The following RBM19 variants were observed in gnomAD, a reference collection of about 807,000 sequenced individuals.
RBM19 encodes the protein RNA binding motif protein 19.
RBM19 carries 94 observed loss-of-function variants against 116.8 expected under a neutral mutation model. That is an observed-to-expected ratio of 0.80 (90% CI 0.68 to 0.95). The LOEUF (loss-of-function observed/expected upper bound fraction) is 0.95. Among genes scored for constraint, RBM19 ranks in the 40% least tolerant of loss-of-function variants. The pLI is 0.00. For synonymous variants in RBM19, 475 were observed against 494.1 expected, an observed-to-expected ratio of 0.96 and a Z score of 0.51; for missense variants, 1,161 against 1,220.7, an observed-to-expected ratio of 0.95 and a Z score of 0.73.
At chr12:113,947,529 G>T in intron 10 of RBM19, 65 bp from the exon 11 acceptor site, 3 of 1,523,342 alleles carry the variant, frequency 2.0e-6, no homozygotes, top group Non-Finnish European at 2.7e-6. Flanking sequence ...GAAGAATGTG[G>T]TGAGCACCAG....
chr12:113,827,913 G>A lies in RBM19; in HGVS notation c.2786-4592C>T, dbSNP rs7967160. Reference sequence around the variant, plus strand: ...TGAAATCTACACGCCTAGGGTGTGTGAGGGTATTAAAAGAATGAATATATG... The same window carrying A: ...TGAAATCTACACGCCTAGGGTGTGTAAGGGTATTAAAAGAATGAATATATG... On this transcript the variant is annotated intron_variant, in intron 23 of 23. Coordinates refer to ENST00000261741, the MANE Select transcript of RBM19 (RefSeq NM_016196.4). Among the ~76,000 whole-genome samples, 701 of 152,116 alleles carry A rather than the reference G, an allele frequency of 4.6e-3. 10 individuals carry two copies. Among genetic ancestry groups the A allele is most frequent in the African/African-American group, 0.016 (669 of 41,472 alleles).
At chr12:113,880,001 C>A (rs938294581) in intron 21 of RBM19, among the ~76,000 whole-genome samples, 5 of 151,760 alleles carry the variant, frequency 3.3e-5, no homozygotes, top group African/African-American at 1.2e-4. Flanking sequence ...CCCCGGGCAG[C>A]CCCTCCTCTG....
downstream of RBM19, among the ~76,000 whole-genome samples, chr12:113,820,431 G>A (rs532493768): frequency 6.6e-6 from 1 of 152,214 alleles, no homozygotes; most frequent in Non-Finnish European, 1.5e-5. Context: ...CGAGGGCCCT[G>A]GGGTGGGAGC....
chr12:113,824,633 C>G (rs926229711), intron 23 of RBM19, among the ~76,000 whole-genome samples: 1 of 152,018 alleles, frequency 6.6e-6, no homozygotes, highest in Non-Finnish European at 1.5e-5. Flanking sequence ...CTCACAGCAG[C>G]GGCCTAGCCT....
intron 21 of RBM19, among the ~76,000 whole-genome samples, chr12:113,906,763 T>C (rs962860529): frequency 6.6e-6 from 1 of 151,936 alleles, no homozygotes; most frequent in Non-Finnish European, 1.5e-5. Flanking sequence ...CAGTCTAAGA[T>C]TCCCTGTACT....
intron 21 of RBM19, among the ~76,000 whole-genome samples, chr12:113,866,938 C>T (rs192336439): frequency 3.9e-5 from 6 of 152,348 alleles, no homozygotes; most frequent in Non-Finnish European, 8.8e-5. Context: ...AGTCTGTGGG[C>T]TGCCTTGGGT....
chr12:113,959,952 T>C (rs368500655), intron 3 of RBM19, 49 bp from the exon 4 acceptor site: 3 of 1,613,698 alleles, frequency 1.9e-6, no homozygotes, highest in African/African-American at 2.7e-5. Flanking sequence ...TGAAGAGAGC[T>C]GGGAAACAGA....
chr12:113,956,708 G>A (rs117191237), intron 6 of RBM19, among the ~76,000 whole-genome samples: 6,350 of 152,144 alleles, frequency 0.042, 336 homozygotes, highest in Admixed American at 0.15. Flanking sequence ...GGACTCCCAG[G>A]TCAGAGACGA....
chr12:113,881,725 G>A (rs1880149388), intron 21 of RBM19, among the ~76,000 whole-genome samples: 1 of 152,240 alleles, frequency 6.6e-6, no homozygotes, highest in African/African-American at 2.4e-5. Context: ...TGGAGGATGG[G>A]TGTGAACAAC....
intron 17 of RBM19, among the ~76,000 whole-genome samples, chr12:113,925,621 T>C (rs994670512): frequency 6.6e-6 from 1 of 152,174 alleles, no homozygotes; most frequent in Non-Finnish European, 1.5e-5. Context: ...AACTACGGGC[T>C]CTTCCCCGCA....
At chr12:113,936,457 T>C (rs1234615513) in intron 16 of RBM19, among the ~76,000 whole-genome samples, 4 of 152,202 alleles carry the variant, frequency 2.6e-5, no homozygotes, top group African/African-American at 9.6e-5. Flanking sequence ...GGATGTGAAA[T>C]GTCTTGTGAT....
chr12:113,829,665 C>T (rs1875192715), intron 23 of RBM19, among the ~76,000 whole-genome samples: 1 of 152,200 alleles, frequency 6.6e-6, no homozygotes, highest in Non-Finnish European at 1.5e-5. Context: ...AGTGCTGCCA[C>T]TTGGTGGTCC....
intron 13 of RBM19, among the ~76,000 whole-genome samples, chr12:113,944,093 GTTTTTTTTTTT>G (rs71433305): frequency 1.5e-5 from 1 of 67,668 alleles, no homozygotes; most frequent in African/African-American, 6.3e-5. Context: ...CCAGATGCAT[GTTTTTTTTTTT>G]TTTTTTTTTT....
intron 20 of RBM19, among the ~76,000 whole-genome samples, chr12:113,917,622 GC>G (rs1882845383): frequency 6.6e-6 from 1 of 152,356 alleles, no homozygotes; most frequent in South Asian, 2.1e-4. Context: ...AAGCTAATTT[GC>G]CGGATGACCA....
At chr12:113,922,328 T>C (rs2135868502) in intron 18 of RBM19, among the ~76,000 whole-genome samples, 1 of 152,328 alleles carries the variant, frequency 6.6e-6, no homozygotes, top group South Asian at 2.1e-4. Flanking sequence ...CCCTGACTGA[T>C]ATACTTTGTT....
intron 8 of RBM19, among the ~76,000 whole-genome samples, chr12:113,950,512 C>T (rs906614866): frequency 6.6e-6 from 1 of 152,166 alleles, no homozygotes; most frequent in African/African-American, 2.4e-5. Flanking sequence ...TGAGGACCCA[C>T]CTAGGCGCTG....
rs572003351 is a variant in RBM19 at position 113,823,884 on chromosome 12, A to C, written c.2786-563T>G. 2.0e-5 allele frequency among the ~76,000 whole-genome samples: 3 copies of C among 152,318 alleles called. No homozygotes were observed. In the South Asian group the frequency reaches 6.2e-4, roughly 32 times the overall value. On this transcript the variant is annotated intron_variant, in intron 23 of 23. Coordinates refer to ENST00000261741, the MANE Select transcript of RBM19 (RefSeq NM_016196.4). ...GGAGGCCAGGCTAATGGTGCAGTAC[A>C]TGGCTGGCATACAACAGGTGCTCGA... is the stretch of plus-strand genomic sequence containing the variant.
intron 23 of RBM19, among the ~76,000 whole-genome samples, chr12:113,844,037 G>A (rs942388377): frequency 2.6e-5 from 4 of 152,224 alleles, no homozygotes; most frequent in African/African-American, 9.6e-5. Flanking sequence ...TTCCACCTGA[G>A]CCTAGGGCCC....
intron 21 of RBM19, among the ~76,000 whole-genome samples, chr12:113,874,431 C>T (rs955425678): frequency 3.3e-5 from 5 of 152,210 alleles, no homozygotes; most frequent in Admixed American, 1.3e-4. Context: ...ATGCTCTACA[C>T]GCGCTGCCTC....
Sources: allele counts gnomAD v4.1 joint callset (sites outside exome capture counted in the v4.1 genomes callset), GRCh38; gene constraint gnomAD v4.1.1; transcripts MANE v1.5; gene names NCBI Gene and HGNC (gene_info 2026-07-23, HGNC 2026-07-21).